The following SPMAP2 variants were observed in gnomAD, a reference collection of about 807,000 sequenced individuals.
SPMAP2 encodes Theg homolog.
chr19:375,123 G>C, the SPMAP2 span, among the ~76,000 whole-genome samples: 1 of 152,132 alleles, frequency 6.6e-6, no homozygotes, highest in African/African-American at 2.4e-5. Flanking sequence ...GAGTCCCAGA[G>C]GTATGTAGAG....
At chr19:366,766 A>G in the SPMAP2 span, among the ~76,000 whole-genome samples, 2 of 152,182 alleles carry the variant, frequency 1.3e-5, no homozygotes, top group Non-Finnish European at 2.9e-5. Flanking sequence ...ATGGTTATTC[A>G]ACTTGTTTTA....
chr19:374,405 G>A, the SPMAP2 span: 1 of 1,613,970 alleles, frequency 6.2e-7, no homozygotes, highest in African/African-American at 1.3e-5. Context: ...GGGAGCTTCT[G>A]GCTGATGGAC....
At chr19:372,568 G>A in the SPMAP2 span, 18 of 1,537,630 alleles carry the variant, frequency 1.2e-5, no homozygotes, top group Admixed American at 1.3e-4. Context: ...CCTGTCAGGC[G>A]AGAATAAGGC....
the SPMAP2 span, chr19:375,790 C>T: frequency 6.2e-7 from 1 of 1,610,236 alleles, no homozygotes. Context: ...AGCTCCTCTT[C>T]TGGGTCTTCT....
the SPMAP2 span, chr19:371,363 G>T: frequency 7.0e-6 from 7 of 999,632 alleles, no homozygotes; most frequent in Admixed American, 1.1e-4. Flanking sequence ...CTCGGCCGGG[G>T]GTGGGGGTGT....
the SPMAP2 span, chr19:374,057 C>T: frequency 6.3e-7 from 1 of 1,583,366 alleles, no homozygotes. Flanking sequence ...TGCCCTGGGT[C>T]TCCCGTTTGC....
chr19:370,479 C>T, the SPMAP2 span, among the ~76,000 whole-genome samples: 14 of 150,940 alleles, frequency 9.3e-5, no homozygotes, highest in East Asian at 1.4e-3. Context: ...GTAGTTGGGA[C>T]TACAGGCGCC....
At chr19:375,472 G>A in the SPMAP2 span, among the ~76,000 whole-genome samples, 3 of 152,298 alleles carry the variant, frequency 2.0e-5, no homozygotes, top group South Asian at 4.1e-4. Context: ...CCAGTGAGGG[G>A]TGCTGGCCGC....
At chr19:364,162 T>C in the SPMAP2 span, among the ~76,000 whole-genome samples, 6 of 148,206 alleles carry the variant, frequency 4.0e-5, no homozygotes, top group Admixed American at 4.0e-4. Flanking sequence ...TGAAATCCCA[T>C]CTCTACTAAA....
the SPMAP2 span, among the ~76,000 whole-genome samples, chr19:369,345 G>A: frequency 7.3e-5 from 11 of 151,486 alleles, no homozygotes; most frequent in East Asian, 1.6e-3. Context: ...CTCAATCCCC[G>A]CCCGGAGAAT....
At chr19:374,894 T>C in the SPMAP2 span, among the ~76,000 whole-genome samples, 6 of 152,218 alleles carry the variant, frequency 3.9e-5, no homozygotes, top group African/African-American at 1.4e-4. Flanking sequence ...TGCCAGGATA[T>C]CTGCCCTGTC....
chr19:374,120 A>G, the SPMAP2 span: 1 of 1,455,064 alleles, frequency 6.9e-7, no homozygotes, highest in Non-Finnish European at 9.5e-7. Flanking sequence ...ACCGTTCCCT[A>G]GCCACTCCCA....
chr19:375,772 C>T, the SPMAP2 span: 57 of 1,609,938 alleles, frequency 3.5e-5, no homozygotes, highest in East Asian at 8.9e-5. Flanking sequence ...GCCACCTCCT[C>T]GGGGGGAAGC....
chr19:373,614 G>A, the SPMAP2 span: 1 of 1,381,968 alleles, frequency 7.2e-7, no homozygotes, highest in East Asian at 2.4e-5. Context: ...CTGCCAGGAG[G>A]GTGGCCGAGG....
At chr19:368,372 A>G in the SPMAP2 span, among the ~76,000 whole-genome samples, 1 of 151,690 alleles carries the variant, frequency 6.6e-6, no homozygotes, top group African/African-American at 2.4e-5. The surrounding 1 kb of genome is among the most constrained non-coding windows in gnomAD (Gnocchi z 4.1). Context: ...CGTGTGTAGG[A>G]GTCCGCCTGC....
At chr19:367,313 G>A in the SPMAP2 span, 729,002 of 1,261,018 alleles carry the variant, frequency 0.58, 213,504 homozygotes, top group Middle Eastern at 0.63. Flanking sequence ...GAGCAACACT[G>A]AAAGACACAA....
the SPMAP2 span, among the ~76,000 whole-genome samples, chr19:370,720 A>G: frequency 3.3e-5 from 5 of 152,180 alleles, no homozygotes; most frequent in Admixed American, 3.3e-4. Context: ...GGGTGCCTGG[A>G]TCGGCAAATT....
At chr19:373,660 GAGA>G in the SPMAP2 span, 17 of 827,504 alleles carry the variant, frequency 2.1e-5, no homozygotes, top group Non-Finnish European at 3.1e-5. Flanking sequence ...GGGTAGGCCA[GAGA>G]AGGACAGTGG....
At chr19:368,719 A>C in the SPMAP2 span, among the ~76,000 whole-genome samples, 1 of 152,130 alleles carries the variant, frequency 6.6e-6, no homozygotes, top group Non-Finnish European at 1.5e-5. The surrounding 1 kb of genome is among the most constrained non-coding windows in gnomAD (Gnocchi z 4.1). Context: ...TCCCCCATAA[A>C]AATCACAGAC....
Sources: allele counts gnomAD v4.1 joint callset (sites outside exome capture counted in the v4.1 genomes callset), GRCh38; gene constraint gnomAD v4.1.1; non-coding constraint Gnocchi (gnomAD v3.1); transcripts MANE v1.5; gene names NCBI Gene and HGNC (gene_info 2026-07-23, HGNC 2026-07-21).